MAGEC3: variants seen among roughly 807,000 people sequenced by gnomAD.
MAGEC3 encodes MAGE family member C3.
A neutral mutation model predicts 35.3 loss-of-function variants in MAGEC3; 34 were observed. The observed-to-expected ratio is 0.96, with a 90% CI of 0.73 to 1.28. The LOEUF (loss-of-function observed/expected upper bound fraction) is 1.28, where lower values mean the gene tolerates loss of function less well. Among genes scored for constraint, MAGEC3 ranks in the 50% most tolerant of loss-of-function variants. MAGEC3 has a pLI of 0.00. For missense variants in MAGEC3, 561 were observed against 483.6 expected (o/e 1.16, Z -1.50); for synonymous variants, 202 against 185.6 (o/e 1.09, Z -0.72).
chrX:141,871,864 A>C (rs994571846), intron 2 of MAGEC3, among the ~76,000 whole-genome samples: 2 of 108,045 alleles, frequency 1.9e-5, no homozygotes, highest in Admixed American at 2.0e-4. Context: ...GTGGAGAAGT[A>C]GGAGGGGCAA....
chrX:141,860,350 A>G (rs749893332), intron 1 of MAGEC3, among the ~76,000 whole-genome samples: 14 of 112,238 alleles, frequency 1.2e-4, no homozygotes, highest in South Asian at 7.4e-4. Context: ...TTATGTTTAT[A>G]AACATAAAAT....
At chrX:141,871,109 T>A (rs951957807) in intron 2 of MAGEC3, among the ~76,000 whole-genome samples, 4 of 112,181 alleles carry the variant, frequency 3.6e-5, no homozygotes, top group African/African-American at 9.7e-5. Context: ...AAGCTTTTTT[T>A]AAATAGACAT....
In MAGEC3 at chrX:141,897,703, A is replaced by G. The variant is rs2018116484; in HGVS notation, c.1803A>G (p.Pro601=). ...CCAGTATCATCCCTAGTGCCTTTCC[A>G]TCCTGGTACATGGATGCTTTGAAAG... ...KLSSIIPSAF[P]SWYMDALKDM... The change falls in exon 8 of 8, where the codon CCA becomes CCG. Residue 601 remains proline (P), a synonymous_variant. Transcript: ENST00000298296. 1.7e-6 allele frequency: 2 copies of G among 1,211,595 alleles called. No individual in the cohort carries two copies. The highest frequency in any genetic ancestry group is 2.2e-6 in the Non-Finnish European group (2 of 895,508).
At chrX:141,896,542 G>T (rs1188586464) in intron 6 of MAGEC3, 7 of 1,190,702 alleles carry the variant, frequency 5.9e-6, no homozygotes, top group Non-Finnish European at 6.8e-6. Flanking sequence ...TCATAGGTGA[G>T]TTTCTCAGCT....
At chrX:141,869,400 TAC>T (rs1431429682) in intron 2 of MAGEC3, among the ~76,000 whole-genome samples, 1 of 112,467 alleles carries the variant, frequency 8.9e-6, no homozygotes, top group African/African-American at 3.2e-5. Flanking sequence ...AAATTCACTT[TAC>T]AGGAGTATAC....
chrX:141,840,055 G>A (rs1425475180), intron 1 of MAGEC3: 1 of 733,109 alleles, frequency 1.4e-6, no homozygotes, highest in East Asian at 1.5e-4. Context: ...TGGTCAGAAT[G>A]TGCACAATGG....
chrX:141,867,564 T>C (rs73577978), intron 2 of MAGEC3, among the ~76,000 whole-genome samples: 11,457 of 111,554 alleles, frequency 0.1, 1,142 homozygotes, highest in African/African-American at 0.31. Context: ...TAACCTAACT[T>C]GCCCAAAAAC....
In MAGEC3 at chrX:141,891,678, CATATATAAATAT is replaced by C. The variant is rs1204816721; in HGVS notation, c.910-3584_910-3573del. Among the ~76,000 whole-genome samples the C allele has an allele frequency of 1.7e-3, 170 of 101,171 alleles. 2 individuals are homozygous for C. Among genetic ancestry groups the C allele is most frequent in the Middle Eastern group, 5.1e-3 (1 of 197 alleles). 87.9% of individuals were successfully genotyped at this position (101,171 alleles called of 115,157 possible). A position where few individuals can be genotyped will look rare whatever the true frequency, so the allele number is the denominator to read the frequency against. ...TAATGTGTGTGTGTATATATATATGCATATATAAATATATATATTTATATATGCATATATAAA... is the reference window on the plus strand; with the variant it reads ...TAATGTGTGTGTGTATATATATATGCATATATTTATATATGCATATATAAA... On this transcript the variant is annotated intron_variant, in intron 4 of 7. Coordinates refer to ENST00000298296, the MANE Select transcript of MAGEC3 (RefSeq NM_138702.1).
chrX:141,877,257 C>A (rs1015188108), intron 2 of MAGEC3, among the ~76,000 whole-genome samples: 3 of 111,325 alleles, frequency 2.7e-5, no homozygotes, highest in Admixed American at 9.5e-5. Flanking sequence ...TTTGGTTAAG[C>A]TTTTTTAACC....
At chrX:141,878,093 C>T (rs2017931655) in intron 2 of MAGEC3, among the ~76,000 whole-genome samples, 1 of 112,041 alleles carries the variant, frequency 8.9e-6, no homozygotes, top group Non-Finnish European at 1.9e-5. Flanking sequence ...TTGATTGAGA[C>T]ATTTCTCGAT....
At chrX:141,860,148 C>G (rs1980781728) in intron 1 of MAGEC3, among the ~76,000 whole-genome samples, 1 of 109,999 alleles carries the variant, frequency 9.1e-6, no homozygotes, top group Non-Finnish European at 1.9e-5. Context: ...ATGAGCCTAG[C>G]AGAGAGCTGA....
At chrX:141,849,152 G>A (rs1393088592) in intron 1 of MAGEC3, among the ~76,000 whole-genome samples, 1 of 110,537 alleles carries the variant, frequency 9.0e-6, no homozygotes, top group Non-Finnish European at 1.9e-5. Flanking sequence ...GATATTTGAC[G>A]AGGCCAACGA....
intron 2 of MAGEC3, among the ~76,000 whole-genome samples, chrX:141,867,040 A>C: frequency 9.0e-6 from 1 of 111,161 alleles, no homozygotes; most frequent in African/African-American, 3.3e-5. Context: ...TTTTCAGAAA[A>C]AAAAAAACCA....
At chrX:141,894,906 T>G (rs1190665846) in intron 4 of MAGEC3, 11 of 642,954 alleles carry the variant, frequency 1.7e-5, no homozygotes, top group Middle Eastern at 6.4e-4. Context: ...GGGGGCAGGT[T>G]GGTAGGCCCG....
chrX:141,892,343 T>C (rs1382881888), intron 4 of MAGEC3, among the ~76,000 whole-genome samples: 1 of 111,994 alleles, frequency 8.9e-6, no homozygotes, highest in Non-Finnish European at 1.9e-5. Context: ...TGAACAAATC[T>C]TCTGACAGAC....
chrX:141,896,655 G>A, intron 6 of MAGEC3: 1 of 1,208,081 alleles, frequency 8.3e-7, no homozygotes, highest in Non-Finnish European at 1.1e-6. Context: ...CAGGCCTCAT[G>A]CCTCTCTTTC....
rs773436382 is a variant in MAGEC3 at position 141,838,960 on chromosome X, T to C, written c.123+522T>C. 4 of 517,604 alleles carry C rather than the reference T, an allele frequency of 7.7e-6. No homozygotes were observed. In the South Asian group the frequency reaches 4.1e-4, roughly 53 times the overall value. The allele number at this position is 517,604 out of a possible 1,213,427, so 42.7% of individuals were successfully genotyped here. On this transcript the variant is annotated intron_variant, in intron 1 of 7. Coordinates refer to ENST00000298296, the MANE Select transcript of MAGEC3 (RefSeq NM_138702.1). The stretch of plus-strand genomic sequence containing the variant: ...TTGTAGCTGCTTAAGTCTCAAGAAG[T>C]GTGAGGGACCCAGCGGGAGCTTTCT...
chrX:141,866,050 A>G (rs1397970368), intron 2 of MAGEC3, among the ~76,000 whole-genome samples: 1 of 111,504 alleles, frequency 9.0e-6, no homozygotes, highest in Non-Finnish European at 1.9e-5. Flanking sequence ...GACCCTGATC[A>G]AGAGTAAATA....
chrX:141,890,714 A>T (rs763241431), intron 4 of MAGEC3, among the ~76,000 whole-genome samples: 6 of 112,539 alleles, frequency 5.3e-5, no homozygotes, highest in Non-Finnish European at 1.1e-4. Context: ...GAGGAGACTT[A>T]CTATCATAAA....
Sources: gnomAD v4.1 joint callset for allele counts (sites outside exome capture counted in the v4.1 genomes callset) on GRCh38, gnomAD v4.1.1 for gene constraint, MANE v1.5 for transcripts, NCBI Gene and HGNC (gene_info 2026-07-23, HGNC 2026-07-21) for gene names.